The following SYN3 variants were observed in gnomAD, a reference collection of about 807,000 sequenced individuals.
The protein encoded by SYN3 is synapsin III.
Under a neutral mutation model 65.8 loss-of-function variants are expected in SYN3, and 35 were observed. The observed-to-expected ratio is 0.53, with a 90% CI of 0.41 to 0.70. The LOEUF is 0.70. SYN3 is among the 30% of genes least tolerant of loss of function. The pLI, the probability that SYN3 is intolerant of heterozygous loss-of-function variation, is 0.00. For synonymous variants in SYN3, 270 were observed against 292.9 expected (o/e 0.92, Z 0.80); for missense variants, 680 against 749.0 (o/e 0.91, Z 1.08).
chr22:32,611,822 T>C lies in SYN3; in HGVS notation c.712-15086A>G, dbSNP rs2059449882. Reference sequence around the variant, plus strand: ...GTGACAGGGGTGCTGGGAGCATCTTTTGTTCTAATGAGGCCACTCTTGGTG... The same window carrying C: ...GTGACAGGGGTGCTGGGAGCATCTTCTGTTCTAATGAGGCCACTCTTGGTG... On this transcript the variant is annotated intron_variant, in intron 6 of 13. Coordinates refer to ENST00000358763, the MANE Select transcript of SYN3 (RefSeq NM_003490.4). Among the ~76,000 whole-genome samples, 4 of 152,152 alleles carry C rather than the reference T, an allele frequency of 2.6e-5. No individual in the cohort carries two copies. The South Asian group carries it at 8.3e-4, about 32-fold the overall frequency.
intron 6 of SYN3, among the ~76,000 whole-genome samples, chr22:32,667,078 T>G (rs1241520292): frequency 6.6e-6 from 1 of 152,224 alleles, no homozygotes; most frequent in Non-Finnish European, 1.5e-5. Flanking sequence ...TGCTAAATTA[T>G]GCCCCTTTTT....
rs904368080 is a variant in SYN3 at position 32,511,853 on chromosome 22, G to C, written c.*1839C>G. On this transcript the variant is annotated 3_prime_UTR_variant, in exon 14 of 14. Transcript: ENST00000358763. ...AGAGTCTTGAACAGGAGGAGAGAGAGGACTTCTGAATTATCCTGGGGTCTC... is the reference window on the plus strand; with the variant it reads ...AGAGTCTTGAACAGGAGGAGAGAGACGACTTCTGAATTATCCTGGGGTCTC... 1.3e-5 allele frequency among the ~76,000 whole-genome samples: 2 copies of C among 152,166 alleles called. No individual in the cohort carries two copies. Among genetic ancestry groups the C allele is most frequent in the African/African-American group, 2.4e-5 (1 of 41,430 alleles).
rs142421395 is a variant in SYN3, at chr22:32,624,881, G to A, written c.712-28145C>T. 6.6e-5 allele frequency among the ~76,000 whole-genome samples: 10 copies of A among 152,324 alleles called. No homozygotes were observed. In the South Asian group the frequency reaches 1.4e-3, roughly 22 times the overall value. ...CCCGCTAATTGTACAAGGAGACTCT[G>A]CAGCTCAGAAAGAGGATGTCACTTG... On this transcript the variant is annotated intron_variant, in intron 6 of 13. Transcript: ENST00000358763.
At chr22:33,027,888 G>A (rs2053666411) in intron 1 of SYN3, among the ~76,000 whole-genome samples, 1 of 152,204 alleles carries the variant, frequency 6.6e-6, no homozygotes, top group Admixed American at 6.5e-5. Flanking sequence ...GCAAAGAGAG[G>A]TGAGTTTTAT....
chr22:32,797,895 C>T (rs769135430), intron 6 of SYN3, among the ~76,000 whole-genome samples: 45 of 152,214 alleles, frequency 3.0e-4, no homozygotes, highest in Non-Finnish European at 3.2e-4. Flanking sequence ...TGAGTTCTAT[C>T]TTTCATCCAA....
chr22:32,582,270 G>C (rs574141148), intron 7 of SYN3, among the ~76,000 whole-genome samples: 1 of 152,088 alleles, frequency 6.6e-6, no homozygotes, highest in Non-Finnish European at 1.5e-5. Flanking sequence ...CAGTGGTTAT[G>C]CAGAACAGCC....
At chr22:32,528,593 C>T (rs577645188) in intron 11 of SYN3, among the ~76,000 whole-genome samples, 3 of 152,190 alleles carry the variant, frequency 2.0e-5, no homozygotes, top group Non-Finnish European at 4.4e-5. Context: ...GGACAGCAGT[C>T]GATCATCTCT....
intron 6 of SYN3, among the ~76,000 whole-genome samples, chr22:32,642,445 TTA>T (rs2059914807): frequency 6.6e-6 from 1 of 151,706 alleles, no homozygotes; most frequent in African/African-American, 2.4e-5. Flanking sequence ...TCTTTTTATT[TTA>T]TTTTTTTAAT....
At chr22:32,673,037 G>T (rs1421112947) in intron 6 of SYN3, among the ~76,000 whole-genome samples, 1 of 152,186 alleles carries the variant, frequency 6.6e-6, no homozygotes, top group Admixed American at 6.5e-5. Context: ...GGAAAAAATG[G>T]ATCTCAGGGC....
intron 7 of SYN3, among the ~76,000 whole-genome samples, chr22:32,589,301 T>C (rs149948148): frequency 3.3e-5 from 5 of 152,328 alleles, no homozygotes; most frequent in South Asian, 2.1e-4. Context: ...GGACTGCTCA[T>C]AACATTGGTT....
intron 6 of SYN3, among the ~76,000 whole-genome samples, chr22:32,615,441 A>AAAAAAAG (rs1331192626): frequency 1.2e-3 from 183 of 150,826 alleles, no homozygotes; most frequent in African/African-American, 4.1e-3. Flanking sequence ...CTAAAAAAAA[A>AAAAAAAG]AAAAAAAAAA....
intron 7 of SYN3, among the ~76,000 whole-genome samples, chr22:32,556,500 C>T (rs1187548091): frequency 2.0e-5 from 3 of 151,424 alleles, no homozygotes; most frequent in South Asian, 2.1e-4. Context: ...GTCTGACAGA[C>T]GCTGAGAATT....
intron 6 of SYN3, among the ~76,000 whole-genome samples, chr22:32,810,864 T>A (rs911992364): frequency 3.9e-5 from 6 of 152,166 alleles, no homozygotes; most frequent in Admixed American, 3.9e-4. Context: ...TTAGACTTTA[T>A]CATCATGAAT....
At chr22:32,701,010 C>T (rs372597352) in intron 6 of SYN3, among the ~76,000 whole-genome samples, 14 of 152,322 alleles carry the variant, frequency 9.2e-5, no homozygotes, top group African/African-American at 3.4e-4. Context: ...TCCCTAAGTC[C>T]TATAAATTCT....
At chr22:32,657,217 G>A (rs1368288278) in intron 6 of SYN3, among the ~76,000 whole-genome samples, 13 of 151,776 alleles carry the variant, frequency 8.6e-5, no homozygotes, top group Non-Finnish European at 1.2e-4. Flanking sequence ...TCCACCTCCC[G>A]GGTTCACGCC....
At chr22:32,623,898 A>C (rs374697152) in intron 6 of SYN3, among the ~76,000 whole-genome samples, 1 of 152,116 alleles carries the variant, frequency 6.6e-6, no homozygotes, top group African/African-American at 2.4e-5. Context: ...TTCTGACGGG[A>C]ATCGAGGACA....
chr22:33,035,853 G>C (rs1165687823), intron 1 of SYN3, among the ~76,000 whole-genome samples: 1 of 152,136 alleles, frequency 6.6e-6, no homozygotes, highest in Non-Finnish European at 1.5e-5. Context: ...AAAGTGTTGG[G>C]ATTACAGGCA....
chr22:32,641,688 T>G (rs1484073307), intron 6 of SYN3, among the ~76,000 whole-genome samples: 1 of 150,798 alleles, frequency 6.6e-6, no homozygotes, highest in East Asian at 1.9e-4. Context: ...TTAATGAGTA[T>G]GATGTTTCTC....
intron 6 of SYN3, among the ~76,000 whole-genome samples, chr22:32,821,170 C>G (rs759724211): frequency 6.6e-6 from 1 of 152,158 alleles, no homozygotes; most frequent in Non-Finnish European, 1.5e-5. Flanking sequence ...GAGATGGAAT[C>G]CCGTCTCTGC....
Sources: allele counts gnomAD v4.1 joint callset (sites outside exome capture counted in the v4.1 genomes callset), GRCh38; gene constraint gnomAD v4.1.1; transcripts MANE v1.5; gene names NCBI Gene and HGNC (gene_info 2026-07-23, HGNC 2026-07-21).